Variants in CFAP77 observed in about 807,000 individuals in gnomAD.
The protein encoded by CFAP77 is cilia- and flagella-associated protein 77.
CFAP77 carries 25 observed loss-of-function variants against 31.1 expected under a neutral mutation model. That is an observed-to-expected ratio of 0.80 (90% CI 0.59 to 1.12). CFAP77 has a LOEUF of 1.12. Ranked by LOEUF, CFAP77 falls within the 50% of genes most tolerant of loss-of-function variation. CFAP77 has a pLI of 0.00. For synonymous variants in CFAP77, 151 were observed against 159.9 expected (o/e 0.94, Z 0.42); for missense variants, 377 against 397.3 (o/e 0.95, Z 0.44).
At chr9:132,563,054 C>G (rs901648302) in intron 5 of CFAP77, among the ~76,000 whole-genome samples, 3 of 151,936 alleles carry the variant, frequency 2.0e-5, no homozygotes, top group African/African-American at 7.3e-5. Flanking sequence ...GCACCTCACT[C>G]TGTCACCTAG....
chr9:132,505,966 A>G (rs1474460358), intron 3 of CFAP77, among the ~76,000 whole-genome samples: 2 of 152,190 alleles, frequency 1.3e-5, no homozygotes, highest in East Asian at 3.9e-4. Flanking sequence ...CGTGGCAGGC[A>G]TTTTGCACAC....
chr9:132,563,415 GCTGCCATGTTGGGTGGGGC>G (rs1369406231), intron 5 of CFAP77, among the ~76,000 whole-genome samples: 1 of 152,146 alleles, frequency 6.6e-6, no homozygotes, highest in African/African-American at 2.4e-5. Context: ...GTGGCTGGGG[GCTGCCATGTTGGGTGGGGC>G]CTGCCATGTT....
At chr9:132,458,663 C>A (rs1307180042) in intron 1 of CFAP77, among the ~76,000 whole-genome samples, 1 of 59,096 alleles carries the variant, frequency 1.7e-5, no homozygotes, top group African/African-American at 7.8e-5. Flanking sequence ...TCACTACAAG[C>A]CGCATGGCTA....
chr9:132,507,843 G>A (rs1001729372), intron 3 of CFAP77, among the ~76,000 whole-genome samples: 6 of 152,178 alleles, frequency 3.9e-5, no homozygotes, highest in Non-Finnish European at 8.8e-5. Context: ...ACCACAAGGG[G>A]GAGCATGTGG....
At chr9:132,458,355 G>C (rs1276277400) in intron 1 of CFAP77, among the ~76,000 whole-genome samples, 6 of 133,830 alleles carry the variant, frequency 4.5e-5, no homozygotes, top group Non-Finnish European at 7.7e-5. Context: ...GGGAGGGGGG[G>C]GGGTGTGTAT....
rs566686209 is a variant in CFAP77 at position 132,438,293 on chromosome 9, T to C, written c.195+27827T>C. On this transcript the variant is annotated intron_variant, in intron 1 of 5. Transcript: ENST00000393216. ...CATTGTCTTTATATAACTTAAAGTTTGTATAATTTAATTTTTAATGATGTT... is the reference window on the plus strand; with the variant it reads ...CATTGTCTTTATATAACTTAAAGTTCGTATAATTTAATTTTTAATGATGTT... Among the ~76,000 whole-genome samples the C allele has an allele frequency of 5.9e-5, 9 of 151,330 alleles. No homozygotes were observed. In the South Asian group the frequency reaches 1.9e-3, roughly 32 times the overall value.
At chr9:132,506,203 G>A (rs1195349262) in intron 3 of CFAP77, among the ~76,000 whole-genome samples, 3 of 152,176 alleles carry the variant, frequency 2.0e-5, no homozygotes, top group African/African-American at 4.8e-5. Flanking sequence ...CAGAATTCAA[G>A]TCAGGGAAGA....
intron 1 of CFAP77, among the ~76,000 whole-genome samples, chr9:132,459,850 G>T (rs1443708916): frequency 1.3e-5 from 2 of 151,000 alleles, no homozygotes; most frequent in Non-Finnish European, 3.0e-5. Context: ...AGTATTGTGA[G>T]TCTGTGTGTG....
chr9:132,553,489 A>C (rs1411042470), intron 5 of CFAP77, among the ~76,000 whole-genome samples: 1 of 152,214 alleles, frequency 6.6e-6, no homozygotes, highest in African/African-American at 2.4e-5. Flanking sequence ...GGGTGGACAC[A>C]TTCAGTCCAT....
chr9:132,465,556 G>A (rs534671512), intron 1 of CFAP77, among the ~76,000 whole-genome samples: 1 of 152,276 alleles, frequency 6.6e-6, no homozygotes, highest in Admixed American at 6.5e-5. Flanking sequence ...GTTGGTATGT[G>A]TGCCCAAGTT....
chr9:132,425,678 T>C (rs1046515105), intron 1 of CFAP77, among the ~76,000 whole-genome samples: 4 of 152,010 alleles, frequency 2.6e-5, no homozygotes, highest in African/African-American at 9.7e-5. Context: ...AGAGCAGAAA[T>C]GTAATTTTGA....
chr9:132,494,087 T>G (rs931735549), intron 1 of CFAP77, among the ~76,000 whole-genome samples: 13 of 152,282 alleles, frequency 8.5e-5, no homozygotes, highest in African/African-American at 3.1e-4. Flanking sequence ...AATTTTTACA[T>G]TTTTTGTAGA....
intron 1 of CFAP77, among the ~76,000 whole-genome samples, chr9:132,420,948 C>T (rs1850204672): frequency 2.0e-5 from 3 of 151,398 alleles, no homozygotes; most frequent in African/African-American, 4.8e-5. Context: ...TCCATCTTCA[C>T]CTGGACGAAA....
chr9:132,470,747 G>T (rs145087181), intron 1 of CFAP77, among the ~76,000 whole-genome samples: 1 of 152,194 alleles, frequency 6.6e-6, no homozygotes, highest in African/African-American at 2.4e-5. Context: ...GGTGGCTTAC[G>T]CCTGTAATCC....
In CFAP77 at chr9:132,550,589, A is replaced by G. The variant is rs1419041800; in HGVS notation, c.732+7542A>G. Among the ~76,000 whole-genome samples, 5 of 148,764 alleles carry G rather than the reference A, an allele frequency of 3.4e-5. No homozygotes were observed. The East Asian group carries it at 5.9e-4, about 18-fold the overall frequency. ...GCCCAGGCTGGGGTGCAGTGGTACA[A>G]TTATGGCTCAATGCAGCCTCTACCT... On this transcript the variant is annotated intron_variant, in intron 5 of 5. Transcript: ENST00000393216.
intron 1 of CFAP77, among the ~76,000 whole-genome samples, chr9:132,416,880 G>A (rs1850111204): frequency 6.6e-6 from 1 of 151,942 alleles, no homozygotes; most frequent in Non-Finnish European, 1.5e-5. Context: ...CAAGTGATCT[G>A]TCCGCTTCAG....
chr9:132,445,562 G>C (rs1046228053), intron 1 of CFAP77, among the ~76,000 whole-genome samples: 1 of 152,092 alleles, frequency 6.6e-6, no homozygotes, highest in Admixed American at 6.6e-5. Flanking sequence ...ACAGGTTATT[G>C]GCTTTTGAAA....
At chr9:132,516,397 T>C (rs910756078) in intron 3 of CFAP77, among the ~76,000 whole-genome samples, 5 of 152,102 alleles carry the variant, frequency 3.3e-5, no homozygotes, top group African/African-American at 1.2e-4. Context: ...GGGGCTGACA[T>C]AATAGTAGTT....
chr9:132,485,318 C>G (rs1301141162), intron 1 of CFAP77, among the ~76,000 whole-genome samples: 1 of 152,186 alleles, frequency 6.6e-6, no homozygotes, highest in Non-Finnish European at 1.5e-5. Context: ...TGGAGGCTCT[C>G]ATGATACCTA....
Sources: gnomAD v4.1 joint callset for allele counts (sites outside exome capture counted in the v4.1 genomes callset) on GRCh38, gnomAD v4.1.1 for gene constraint, MANE v1.5 for transcripts, NCBI Gene and HGNC (gene_info 2026-07-23, HGNC 2026-07-21) for gene names.